Variants in BID observed in about 807,000 individuals in gnomAD.
BID encodes BH3-interacting domain death agonist.
BID carries 19 observed loss-of-function variants against 17.4 expected under a neutral mutation model. The observed-to-expected ratio is 1.09, with a 90% CI of 0.76 to 1.60. The LOEUF is 1.60. Among genes scored for constraint, BID ranks in the 40% most tolerant of loss-of-function variants. BID has a pLI of 0.00. For missense variants in BID, 226 were observed against 256.0 expected (o/e 0.88, Z 0.80); for synonymous variants, 108 against 102.8 (o/e 1.05, Z -0.31).
chr22:17,759,104 A>G (rs383018), intron 1 of BID, among the ~76,000 whole-genome samples: 124,878 of 151,488 alleles, frequency 0.82, 52,515 homozygotes, highest in East Asian at 1. Context: ...GGTGGCGCAC[A>G]CCTGTAGTCC....
chr22:17,736,091 A>G (rs2061417506), intron 5 of BID, among the ~76,000 whole-genome samples: 1 of 152,194 alleles, frequency 6.6e-6, no homozygotes, highest in African/African-American at 2.4e-5. Flanking sequence ...TTTTCTTATG[A>G]GTTCTCAGTA....
intron 1 of BID, among the ~76,000 whole-genome samples, chr22:17,771,350 C>T (rs775126444): frequency 3.9e-5 from 6 of 152,180 alleles, no homozygotes; most frequent in African/African-American, 9.7e-5. Flanking sequence ...CCGCCCAACT[C>T]GGCCTCCCAA....
At chr22:17,764,054 T>C (rs2061661374) in intron 1 of BID, 1 of 153,434 alleles carries the variant, frequency 6.5e-6, no homozygotes, top group South Asian at 2.1e-4. Context: ...TGTTTGCTAC[T>C]TGGGACAGTA....
At position 17,773,735 on chromosome 22, in the gene BID, T is replaced by G; in HGVS notation, c.-59+646A>C. 1 of 1,576,512 alleles carries G rather than the reference T, an allele frequency of 6.3e-7. No individual in the cohort carries two copies. Among genetic ancestry groups the G allele is most frequent in the Non-Finnish European group, 8.6e-7 (1 of 1,159,024 alleles). ...AATGAACCCTTGCCAGCCCAGCCAC[T>G]TGGTGGCTGAGGGCTTCAGAGCTCT... is the stretch of plus-strand genomic sequence containing the variant. On this transcript the variant is annotated intron_variant, in intron 1 of 5. Coordinates refer to ENST00000622694, the MANE Select transcript of BID (RefSeq NM_001196.4). The surrounding 1 kb of genome is among the most constrained non-coding windows in gnomAD (Gnocchi z 4.4).
rs983116903 is a variant in BID at position 17,746,273 on chromosome 22, C to T, written c.13-2260G>A. On this transcript the variant is annotated intron_variant, in intron 2 of 5. Transcript: ENST00000622694. ...GAAAGAGTCCCTCTCCATGCGATAC[C>T]GGAAGCCCAGTCCCCACCAGTGCAC... Among the ~76,000 whole-genome samples the T allele has an allele frequency of 3.9e-5, 6 of 152,224 alleles. No individual in the cohort carries two copies. The South Asian group carries it at 6.2e-4, about 16-fold the overall frequency.
chr22:17,752,957 G>A (rs1258821626), intron 1 of BID, among the ~76,000 whole-genome samples: 3 of 130,870 alleles, frequency 2.3e-5, no homozygotes, highest in Non-Finnish European at 3.2e-5. Context: ...GAGCCACCGC[G>A]CCCAGTCTTT....
rs572014459 is a variant in BID, at chr22:17,765,434, G to A, written c.-59+8947C>T. 4.6e-5 allele frequency among the ~76,000 whole-genome samples: 7 copies of A among 152,262 alleles called. No individual in the cohort carries two copies. The South Asian group carries it at 8.3e-4, about 18-fold the overall frequency. ...CTATTCTGTCTTACCGAGTAAGTAT[G>A]TCGATATCCAAAGAATACCTACTCA... On this transcript the variant is annotated intron_variant, in intron 1 of 5. Coordinates refer to ENST00000622694, the MANE Select transcript of BID (RefSeq NM_001196.4).
rs760965442 is a variant in BID, at chr22:17,743,837, G to A, written c.189C>T (p.Arg63=). The A allele has an allele frequency of 5.0e-6, 8 of 1,612,178 alleles. No individual in the cohort carries two copies. In the East Asian group the frequency reaches 1.6e-4, roughly 31 times the overall value. Residue 63 remains arginine, a synonymous_variant, in exon 3 of 6, where the codon CGC becomes CGT. Transcript: ENST00000622694. ...TTCTTCCCAAGCGGGAGTGGCTGCT[G>A]CGGTTGCCATCAGTCTGCAGCTCAT... ...GYDELQTDGN[R]SSHSRLGRIE...
intron 1 of BID, among the ~76,000 whole-genome samples, chr22:17,756,366 T>C (rs1322304047): frequency 6.6e-6 from 1 of 152,182 alleles, no homozygotes; most frequent in Non-Finnish European, 1.5e-5. Flanking sequence ...CTGGGCAAAG[T>C]TCAGTCGCAT....
intron 1 of BID, among the ~76,000 whole-genome samples, chr22:17,763,610 G>A (rs559872472): frequency 1.0e-3 from 152 of 152,070 alleles, no homozygotes; most frequent in African/African-American, 3.5e-3. Flanking sequence ...ACAGTTGAGA[G>A]CTGTCTCCAG....
chr22:17,755,487 G>T (rs1358422916), intron 1 of BID, among the ~76,000 whole-genome samples: 2 of 151,948 alleles, frequency 1.3e-5, no homozygotes, highest in East Asian at 3.9e-4. Flanking sequence ...ACTTTTTTGT[G>T]CCTTGGTGTC....
At chr22:17,750,041 A>G (rs1569043528) in intron 2 of BID, 64 bp downstream of exon 2, 8 of 1,497,618 alleles carry the variant, frequency 5.3e-6, no homozygotes, top group Non-Finnish European at 7.3e-6. Context: ...GGTGGGGGAC[A>G]CGCAGGCCCT....
chr22:17,765,748 G>A (rs543280948), intron 1 of BID, among the ~76,000 whole-genome samples: 7 of 152,290 alleles, frequency 4.6e-5, no homozygotes, highest in Non-Finnish European at 1.0e-4. Context: ...GTTAATGGGT[G>A]CAGCACACCA....
At chr22:17,752,642 CAG>C (rs1213537073) in intron 1 of BID, among the ~76,000 whole-genome samples, 1 of 151,476 alleles carries the variant, frequency 6.6e-6, no homozygotes, top group Non-Finnish European at 1.5e-5. Context: ...CCACTAAAGA[CAG>C]GGCTGTGATG....
At chr22:17,763,710 C>CTT (rs35220679) in intron 1 of BID, among the ~76,000 whole-genome samples, 71 of 141,964 alleles carry the variant, frequency 5.0e-4, no homozygotes, top group Middle Eastern at 3.6e-3. Context: ...TGAAAACATA[C>CTT]TTTTTTTTTT....
chr22:17,738,664 CAG>C (rs982643013), intron 4 of BID, among the ~76,000 whole-genome samples: 22 of 152,256 alleles, frequency 1.4e-4, no homozygotes, highest in African/African-American at 5.3e-4. Context: ...GGCGCACATG[CAG>C]AGTTACATGG....
At chr22:17,752,990 G>A (rs1378041933) in intron 1 of BID, among the ~76,000 whole-genome samples, 2 of 75,852 alleles carry the variant, frequency 2.6e-5, no homozygotes, top group East Asian at 1.1e-3. Context: ...TTTTTGAGAT[G>A]GAGTCTCGCT....
chr22:17,736,019 T>G (rs550803280), intron 5 of BID, among the ~76,000 whole-genome samples: 6 of 152,314 alleles, frequency 3.9e-5, no homozygotes, highest in Non-Finnish European at 5.9e-5. Context: ...ATTTAAGATT[T>G]ATATTCATTC....
intron 3 of BID, among the ~76,000 whole-genome samples, chr22:17,742,977 T>C (rs1448691037): frequency 1.3e-5 from 2 of 152,160 alleles, no homozygotes; most frequent in Admixed American, 1.3e-4. Flanking sequence ...CTGGAAACCA[T>C]GGTGACCTGG....
Sources: allele counts gnomAD v4.1 joint callset (sites outside exome capture counted in the v4.1 genomes callset), GRCh38; gene constraint gnomAD v4.1.1; non-coding constraint Gnocchi (gnomAD v3.1); transcripts MANE v1.5; gene names NCBI Gene and HGNC (gene_info 2026-07-23, HGNC 2026-07-21).